Variants in COL4A3 observed in about 807,000 individuals in gnomAD.
The protein encoded by COL4A3 is collagen alpha-3(IV) chain.
Under a neutral mutation model 217.4 loss-of-function variants are expected in COL4A3, and 135 were observed. The observed-to-expected ratio is 0.62, with a 90% confidence interval of 0.54 to 0.72. COL4A3 has a LOEUF of 0.72. COL4A3 is among the 30% of genes least tolerant of loss of function. The pLI, the probability that COL4A3 is intolerant of heterozygous loss-of-function variation, is 0.00. For synonymous variants in COL4A3, 690 were observed against 736.3 expected (o/e 0.94, Z 1.02); for missense variants, 1,868 against 2,119.9 (o/e 0.88, Z 2.33).
At chr2:227,185,297 G>A (rs1054127898) in intron 1 of COL4A3, among the ~76,000 whole-genome samples, 4 of 152,162 alleles carry the variant, frequency 2.6e-5, no homozygotes, top group Non-Finnish European at 5.9e-5. Flanking sequence ...CAAGTGCAAG[G>A]TCTGATCAAA....
intron 1 of COL4A3, among the ~76,000 whole-genome samples, chr2:227,175,636 A>T (rs2065651078): frequency 6.6e-6 from 1 of 152,136 alleles, no homozygotes; most frequent in Admixed American, 6.5e-5. Context: ...GGACACAGGG[A>T]GTCAGGGTAC....
At chr2:227,257,985 C>T (rs1416062520) in intron 18 of COL4A3, among the ~76,000 whole-genome samples, 3 of 152,206 alleles carry the variant, frequency 2.0e-5, no homozygotes, top group Non-Finnish European at 2.9e-5. Context: ...CCTCCCTCCA[C>T]CTGGGCCCGG....
chr2:227,248,294 G>A lies in COL4A3; in HGVS notation c.469-149G>A, dbSNP rs942117712. ...GAAAATGCTTTGAATTCTTCATAAT[G>A]GAATAATTACAAAATCATAAATCAT... On this transcript the variant is annotated intron_variant, in intron 8 of 51. Transcript: ENST00000396578. 5.7e-6 allele frequency: 4 copies of A among 706,360 alleles called. No individual in the cohort carries two copies. The highest frequency in any genetic ancestry group is 1.8e-5 in the African/African-American group (1 of 57,016). 43.8% of individuals were successfully genotyped at this position (706,360 alleles called of 1,614,324 possible).
At position 227,253,115 on chromosome 2, in the gene COL4A3, A is replaced by G. The variant is rs149724182; in HGVS notation, c.646-181A>G. On this transcript the variant is annotated intron_variant, in intron 11 of 51. Transcript: ENST00000396578. The surrounding 1 kb of genome is among the most constrained non-coding windows in gnomAD (Gnocchi z 4.4). ...TCCCTTAAGCTTTCTGCACCTTAAG[A>G]GCTCCTCCTTTAAAAGAAACATATC... Among the ~76,000 whole-genome samples the G allele has an allele frequency of 5.7e-3, 866 of 152,316 alleles. 12 individuals carry two copies. The highest frequency in any genetic ancestry group is 0.02 in the African/African-American group (838 of 41,564).
At chr2:227,283,709 A>G in intron 32 of COL4A3, 58 bp from the exon 33 acceptor site, 1 of 1,371,260 alleles carries the variant, frequency 7.3e-7, no homozygotes, top group Admixed American at 1.7e-5. Context: ...TATATGGAAT[A>G]TTTTGCTTTT....
chr2:227,307,979 T>A, intron 48 of COL4A3, 60 bp downstream of exon 48: 3 of 1,438,974 alleles, frequency 2.1e-6, no homozygotes, highest in Non-Finnish European at 2.9e-6. Flanking sequence ...TAAATCTTTA[T>A]AGCCTAGGAT....
rs562848584 is a variant in COL4A3, at chr2:227,300,364, C to T, written c.3882+1552C>T. Among the ~76,000 whole-genome samples the T allele has an allele frequency of 1.2e-4, 18 of 151,928 alleles. No individual in the cohort carries two copies. In the South Asian group the frequency reaches 3.7e-3, roughly 31 times the overall value. ...GTTTTCTCCATTATTTCTTGCCTAG[C>T]TTGTTGTTGCTGATGTTTATTTGGG... On this transcript the variant is annotated intron_variant, in intron 43 of 51. Transcript: ENST00000396578.
intron 1 of COL4A3, among the ~76,000 whole-genome samples, chr2:227,180,305 G>A (rs909391889): frequency 6.6e-6 from 1 of 152,210 alleles, no homozygotes; most frequent in African/African-American, 2.4e-5. Flanking sequence ...CATGTCCCAC[G>A]CAGGTGCCAG....
intron 1 of COL4A3, among the ~76,000 whole-genome samples, chr2:227,194,425 G>A (rs962329727): frequency 1.3e-5 from 2 of 152,036 alleles, no homozygotes; most frequent in South Asian, 4.2e-4. Flanking sequence ...AGCCCTGCAG[G>A]GAGGGAGCCA....
rs1346138010 is a variant in COL4A3 at position 227,246,688 on chromosome 2, G to T, written c.391G>T (p.Glu131Ter). The change falls in exon 7 of 52, where the codon GAG (glutamate) becomes TAG (stop). Residue 131 changes from glutamate (E) to a stop codon, truncating the protein, a stop_gained. Transcript: ENST00000396578. LOFTEE classifies it high-confidence loss of function. ...GVPGCSGSKGEQGFPGLPGTL... is the reference protein window; with the variant it reads ...GVPGCSGSKG ...AGAAACTTTGTATGTCTTTTAGGGT[G>T]AGCAGGGGTTTCCAGGACTCCCAGG... The T allele has an allele frequency of 5.0e-6, 8 of 1,611,296 alleles. No homozygotes were observed. Among genetic ancestry groups the T allele is most frequent in the African/African-American group, 1.3e-5 (1 of 74,828 alleles).
At chr2:227,231,162 T>A (rs1407191958) in intron 1 of COL4A3, among the ~76,000 whole-genome samples, 1 of 152,030 alleles carries the variant, frequency 6.6e-6, no homozygotes, top group Non-Finnish European at 1.5e-5. Context: ...GTATAACTGG[T>A]ACATGTCTGC....
intron 25 of COL4A3, among the ~76,000 whole-genome samples, chr2:227,272,138 C>G (rs951916940): frequency 1.3e-5 from 2 of 152,188 alleles, no homozygotes; most frequent in African/African-American, 4.8e-5. Flanking sequence ...AGGTTGTTCA[C>G]TTTGTGGTAG....
chr2:227,203,316 C>T (rs1481976051), intron 1 of COL4A3, among the ~76,000 whole-genome samples: 7 of 57,800 alleles, frequency 1.2e-4, no homozygotes, highest in Admixed American at 1.9e-4. Flanking sequence ...TGTATATATA[C>T]ATATATGTGT....
At chr2:227,302,974 A>G (rs1394037837) in intron 43 of COL4A3, 64 bp from the exon 44 acceptor site, 6 of 1,066,498 alleles carry the variant, frequency 5.6e-6, no homozygotes, top group East Asian at 4.7e-5. Context: ...TTTTTAAAAA[A>G]CTGCTGTGAA....
intron 51 of COL4A3, 144 bp from the exon 52 acceptor site, chr2:227,311,642 T>C: frequency 1.4e-6 from 1 of 694,570 alleles, no homozygotes; most frequent in South Asian, 1.8e-5. Context: ...CCTCCCAAAT[T>C]GCTGGGATTA....
At chr2:227,252,062 C>A (rs1440441416) in intron 11 of COL4A3, among the ~76,000 whole-genome samples, 2 of 114,418 alleles carry the variant, frequency 1.7e-5, no homozygotes, top group African/African-American at 3.5e-5. Context: ...GAAAGAGGCA[C>A]CATCTCAAAA....
At chr2:227,244,821 C>T (rs1321946308) in intron 4 of COL4A3, 130 bp from the exon 5 acceptor site, 3 of 934,358 alleles carry the variant, frequency 3.2e-6, no homozygotes, top group South Asian at 1.3e-5. Flanking sequence ...TTTTCCCAAT[C>T]GTTTCGAGCT....
intron 1 of COL4A3, among the ~76,000 whole-genome samples, chr2:227,185,443 GAGA>G (rs1285770585): frequency 3.9e-5 from 6 of 152,200 alleles, no homozygotes; most frequent in East Asian, 3.8e-4. Context: ...TTAGCTGTAT[GAGA>G]AGAAGGGCAA....
At chr2:227,217,119 G>T (rs558034514) in intron 1 of COL4A3, among the ~76,000 whole-genome samples, 1 of 152,182 alleles carries the variant, frequency 6.6e-6, no homozygotes, top group Non-Finnish European at 1.5e-5. Context: ...ATGGTGAAAG[G>T]CATGTCTTAC....
Sources: allele counts gnomAD v4.1 joint callset (sites outside exome capture counted in the v4.1 genomes callset), GRCh38; gene constraint gnomAD v4.1.1; non-coding constraint Gnocchi (gnomAD v3.1); transcripts MANE v1.5; gene names NCBI Gene and HGNC (gene_info 2026-07-23, HGNC 2026-07-21).